Variants in KIAA1217 observed in about 807,000 individuals in gnomAD.
KIAA1217 encodes KIAA1217.
KIAA1217 carries 88 observed loss-of-function variants against 163.9 expected under a neutral mutation model. That is an observed-to-expected ratio of 0.54 (90% confidence interval 0.45 to 0.64). The LOEUF is 0.64. Among genes scored for constraint, KIAA1217 ranks in the 30% least tolerant of loss-of-function variants. The pLI, the probability that KIAA1217 is intolerant of heterozygous loss-of-function variation, is 0.00. For missense variants in KIAA1217, 2,372 were observed against 2,475.0 expected (o/e 0.96, Z 0.88); for synonymous variants, 903 against 923.1 (o/e 0.98, Z 0.39).
At chr10:24,294,561 C>T (rs79071887) in intron 2 of KIAA1217, among the ~76,000 whole-genome samples, 2,488 of 152,272 alleles carry the variant, frequency 0.016, 63 homozygotes, top group African/African-American at 0.056. Context: ...AATAGACCAC[C>T]GTGTATGCAT....
intron 2 of KIAA1217, among the ~76,000 whole-genome samples, chr10:24,172,018 G>A (rs1412537191): frequency 6.6e-6 from 1 of 152,082 alleles, no homozygotes; most frequent in Admixed American, 6.5e-5. Flanking sequence ...AGAAACTGAG[G>A]CTTAGACATG....
chr10:23,728,516 T>TTTG (rs1554779768), intron 1 of KIAA1217, among the ~76,000 whole-genome samples: 1 of 151,986 alleles, frequency 6.6e-6, no homozygotes, highest in African/African-American at 2.4e-5. Context: ...GGTTTTTTTT[T>TTTG]TTGTTGTAAA....
chr10:23,884,063 G>T (rs10764429), intron 1 of KIAA1217, among the ~76,000 whole-genome samples: 30,724 of 151,756 alleles, frequency 0.2, 3,192 homozygotes, highest in Admixed American at 0.24. Context: ...AAGGCTATTA[G>T]ACACGTCTGT....
At position 23,935,400 on chromosome 10, in the gene KIAA1217, C is replaced by T. The variant is rs971822953; in HGVS notation, c.-320-71825C>T. Among the ~76,000 whole-genome samples the T allele has an allele frequency of 2.0e-5, 3 of 152,302 alleles. 1 individual carries two copies. The highest frequency in any genetic ancestry group is 2.4e-5 in the African/African-American group (1 of 41,558). On this transcript the variant is annotated intron_variant, in intron 1 of 18. Coordinates refer to the KIAA1217 transcript ENST00000376462. ...AGCATTTTGAAGAGCTGCTAGCAAA[C>T]ATCTTCTTTAAAGAAATGTATTTTG...
chr10:23,857,203 A>G (rs1839731247), intron 1 of KIAA1217, among the ~76,000 whole-genome samples: 1 of 152,190 alleles, frequency 6.6e-6, no homozygotes, highest in Non-Finnish European at 1.5e-5. Flanking sequence ...AGGGATGTGA[A>G]TCCAAACCAT....
At chr10:23,845,510 AG>A (rs1838982055) in intron 1 of KIAA1217, among the ~76,000 whole-genome samples, 1 of 152,020 alleles carries the variant, frequency 6.6e-6, no homozygotes, top group South Asian at 2.1e-4. Context: ...TTTTTTCATA[AG>A]TTTGTTGGCT....
In KIAA1217 at chr10:24,546,373, AAC is replaced by A; in HGVS notation, c.*51_*52del. On this transcript the variant is annotated 3_prime_UTR_variant, in exon 21 of 21. Transcript: ENST00000376454. ...GTCGGAGTTACATTTAAAAAAAATT[AAC>A]AGTCTACAACAACTGTTTTCACAAG... The A allele has an allele frequency of 6.7e-7, 1 of 1,492,682 alleles. No homozygotes were observed. The allele number at this position is 1,492,682 out of a possible 1,614,324, so 92.5% of individuals were successfully genotyped here. A position where few individuals can be genotyped will look rare whatever the true frequency, so the allele number is the denominator to read the frequency against.
chr10:24,214,706 A>G (rs2068591827), intron 1 of KIAA1217, among the ~76,000 whole-genome samples: 1 of 152,200 alleles, frequency 6.6e-6, no homozygotes, highest in Admixed American at 6.5e-5. Context: ...ACTCCCTATG[A>G]TGCTCCCTAT....
chr10:24,485,364 G>A (rs1272175629), intron 6 of KIAA1217, among the ~76,000 whole-genome samples: 1 of 152,136 alleles, frequency 6.6e-6, no homozygotes, highest in African/African-American at 2.4e-5. Context: ...CTCACTTCCT[G>A]TAATTGACCT....
chr10:24,244,555 T>C (rs1421126928), intron 2 of KIAA1217, among the ~76,000 whole-genome samples: 1 of 140,856 alleles, frequency 7.1e-6, no homozygotes, highest in African/African-American at 2.6e-5. Context: ...CCTCTTTTCT[T>C]TCTTTCTTTT....
At chr10:24,102,201 G>C (rs996737274) in intron 2 of KIAA1217, among the ~76,000 whole-genome samples, 1 of 152,078 alleles carries the variant, frequency 6.6e-6, no homozygotes, top group Admixed American at 6.6e-5. Flanking sequence ...AAGGTTGTAG[G>C]ATAAAATGTT....
At chr10:23,734,807 T>G (rs1188321265) in intron 1 of KIAA1217, among the ~76,000 whole-genome samples, 2 of 150,724 alleles carry the variant, frequency 1.3e-5, no homozygotes, top group Admixed American at 6.6e-5. Flanking sequence ...CATGGCACAT[T>G]TATTTACCTT....
At chr10:23,944,813 C>T (rs1843939093) in intron 1 of KIAA1217, among the ~76,000 whole-genome samples, 1 of 152,140 alleles carries the variant, frequency 6.6e-6, no homozygotes, top group African/African-American at 2.4e-5. Context: ...AATCCCAGCA[C>T]TTTGGGAGGC....
intron 1 of KIAA1217, among the ~76,000 whole-genome samples, chr10:23,988,722 T>G (rs1157835887): frequency 6.6e-6 from 1 of 152,212 alleles, no homozygotes; most frequent in African/African-American, 2.4e-5. Flanking sequence ...TTACTTACAT[T>G]AATAATTATG....
chr10:24,289,751 A>G (rs1021618739), intron 2 of KIAA1217, among the ~76,000 whole-genome samples: 5 of 152,028 alleles, frequency 3.3e-5, no homozygotes, highest in African/African-American at 1.2e-4. Flanking sequence ...CTCAGTAATG[A>G]CCAGCAACAC....
At chr10:23,848,699 A>T (rs577196381) in intron 1 of KIAA1217, among the ~76,000 whole-genome samples, 1 of 152,022 alleles carries the variant, frequency 6.6e-6, no homozygotes, top group Admixed American at 6.6e-5. Context: ...CACATATCCA[A>T]GCATCTCCAA....
chr10:23,763,067 A>T (rs987179387), intron 1 of KIAA1217, among the ~76,000 whole-genome samples: 2 of 152,178 alleles, frequency 1.3e-5, no homozygotes, highest in Non-Finnish European at 2.9e-5. Flanking sequence ...GCTGTGAAGG[A>T]CCTATTCAAG....
chr10:24,179,940 A>G (rs748344308), intron 2 of KIAA1217, among the ~76,000 whole-genome samples: 10 of 152,194 alleles, frequency 6.6e-5, no homozygotes, highest in Non-Finnish European at 1.2e-4. Flanking sequence ...TTCTATGTGC[A>G]ACAAATTGTA....
intron 2 of KIAA1217, among the ~76,000 whole-genome samples, chr10:24,335,897 C>G (rs2046301006): frequency 6.6e-6 from 1 of 152,246 alleles, no homozygotes; most frequent in Admixed American, 6.5e-5. Context: ...TAGGCGTCAG[C>G]CACTGCACTC....
Sources: gnomAD v4.1 joint callset for allele counts (sites outside exome capture counted in the v4.1 genomes callset) on GRCh38, gnomAD v4.1.1 for gene constraint, MANE v1.5 for transcripts, NCBI Gene and HGNC (gene_info 2026-07-23, HGNC 2026-07-21) for gene names.